The following GHR variants were observed in gnomAD, a reference collection of about 807,000 sequenced individuals.
GHR encodes the protein growth hormone receptor, also known as GH receptor.
In GHR, 35 loss-of-function variants were observed where a neutral mutation model predicts 67.1. The observed-to-expected ratio is 0.52, with a 90% CI of 0.40 to 0.69. The LOEUF (loss-of-function observed/expected upper bound fraction) is 0.69. Ranked by LOEUF, GHR falls within the 30% of genes least tolerant of loss-of-function variation. GHR has a pLI of 0.00. For synonymous variants in GHR, 272 were observed against 269.1 expected (o/e 1.01, Z -0.10); for missense variants, 792 against 764.6 (o/e 1.04, Z -0.42).
At chr5:42,552,330 G>A (rs760609407) in intron 1 of GHR, among the ~76,000 whole-genome samples, 16 of 152,046 alleles carry the variant, frequency 1.1e-4, no homozygotes, top group East Asian at 1.9e-4. Context: ...CTCCTTTTCC[G>A]TATTTTTCTT....
intron 8 of GHR, among the ~76,000 whole-genome samples, chr5:42,715,457 A>C (rs1280446813): frequency 6.6e-6 from 1 of 152,202 alleles, no homozygotes; most frequent in Non-Finnish European, 1.5e-5. Flanking sequence ...ACCCTGCTTT[A>C]ATCCAGTTAA....
At chr5:42,434,364 G>C (rs192975659) in intron 1 of GHR, among the ~76,000 whole-genome samples, 2 of 152,282 alleles carry the variant, frequency 1.3e-5, no homozygotes, top group Admixed American at 1.3e-4. Context: ...GTAGGCTTTT[G>C]GTGCCTGAAG....
chr5:42,542,176 T>C (rs1356861870), intron 1 of GHR, among the ~76,000 whole-genome samples: 2 of 152,120 alleles, frequency 1.3e-5, no homozygotes, highest in Admixed American at 1.3e-4. Flanking sequence ...CACAGTGAAG[T>C]TGACCAGGAT....
intron 3 of GHR, among the ~76,000 whole-genome samples, chr5:42,674,395 C>G (rs1484903065): frequency 6.6e-6 from 1 of 152,100 alleles, no homozygotes; most frequent in Non-Finnish European, 1.5e-5. Flanking sequence ...TTTTTAATCT[C>G]AAAGTGGTTT....
intron 6 of GHR, 57 bp from the exon 7 acceptor site, chr5:42,711,150 C>A: frequency 8.1e-7 from 1 of 1,233,088 alleles, no homozygotes; most frequent in South Asian, 1.2e-5. Flanking sequence ...CTGTAGTGTT[C>A]ATTGCATTGA....
At chr5:42,706,296 A>C (rs6889182) in intron 6 of GHR, among the ~76,000 whole-genome samples, 6,460 of 151,978 alleles carry the variant, frequency 0.043, 193 homozygotes, top group African/African-American at 0.084. Context: ...GATATTAGAC[A>C]TTTGTCAGAT....
At chr5:42,620,882 T>C (rs1220313362) in intron 2 of GHR, among the ~76,000 whole-genome samples, 1 of 152,142 alleles carries the variant, frequency 6.6e-6, no homozygotes, top group East Asian at 1.9e-4. Context: ...AGGGAAGAGA[T>C]AGTCACTTCT....
chr5:42,621,031 T>C (rs1434228020), intron 2 of GHR, among the ~76,000 whole-genome samples: 3 of 152,140 alleles, frequency 2.0e-5, no homozygotes, highest in Non-Finnish European at 2.9e-5. Flanking sequence ...TTATTCCTTT[T>C]AGCATTGCTG....
At chr5:42,461,043 T>C (rs1744467370) in intron 1 of GHR, among the ~76,000 whole-genome samples, 1 of 152,182 alleles carries the variant, frequency 6.6e-6, no homozygotes, top group Non-Finnish European at 1.5e-5. Context: ...TCTCTGAATA[T>C]CTGGGATATG....
rs79839119 is a variant in GHR at position 42,634,412 on chromosome 5, T to C, written c.136+5309T>C. ...GCTTTTTGCACCCCCCCTTAATAAA[T>C]TGAACTATCTCTAAAGATAGGGACA... On this transcript the variant is annotated intron_variant, in intron 3 of 9. Coordinates refer to ENST00000230882, the MANE Select transcript of GHR (RefSeq NM_000163.5). Among the ~76,000 whole-genome samples, 693 of 152,198 alleles carry C rather than the reference T, an allele frequency of 4.6e-3. 4 individuals are homozygous for C. The highest frequency in any genetic ancestry group is 0.016 in the African/African-American group (655 of 41,498).
intron 1 of GHR, among the ~76,000 whole-genome samples, chr5:42,561,966 A>G (rs1359666145): frequency 1.3e-5 from 2 of 152,210 alleles, no homozygotes; most frequent in Admixed American, 1.3e-4. Context: ...TCTGGGTTAA[A>G]AGGTACATGT....
intron 2 of GHR, among the ~76,000 whole-genome samples, chr5:42,616,461 T>C (rs1415764057): frequency 1.3e-5 from 2 of 151,978 alleles, no homozygotes; most frequent in Non-Finnish European, 1.5e-5. Flanking sequence ...TTTTCAGACA[T>C]AGAGAAGAAT....
chr5:42,701,995 C>T (rs1757954419), intron 6 of GHR, among the ~76,000 whole-genome samples: 1 of 151,876 alleles, frequency 6.6e-6, no homozygotes, highest in African/African-American at 2.4e-5. Context: ...AATATGGATA[C>T]ATTGTAGAAT....
chr5:42,482,159 T>A (rs910081071), intron 1 of GHR, among the ~76,000 whole-genome samples: 3 of 152,230 alleles, frequency 2.0e-5, no homozygotes, highest in African/African-American at 7.2e-5. Context: ...CAGACCCTGT[T>A]TGCCTGGGTA....
intron 8 of GHR, among the ~76,000 whole-genome samples, chr5:42,716,685 A>G (rs753890123): frequency 1.4e-4 from 22 of 152,338 alleles, no homozygotes; most frequent in Non-Finnish European, 2.9e-4. Context: ...ACTTATTTCT[A>G]TATCTGTAAT....
Position 42,523,538 on chromosome 5 carries a change from T to C in GHR, c.-11-42326T>C, listed in dbSNP as rs117800920. 1.7e-4 allele frequency among the ~76,000 whole-genome samples: 26 copies of C among 152,312 alleles called. No homozygotes were observed. The East Asian group carries it at 5.0e-3, about 29-fold the overall frequency. ...ATTATTATGTTGTTTTGGCACACCA[T>C]GAATTGCACCCATATAAGGTGGGGA... is the stretch of plus-strand genomic sequence containing the variant. On this transcript the variant is annotated intron_variant, in intron 1 of 9. Transcript: ENST00000230882.
At chr5:42,681,726 G>A (rs1422378622) in intron 3 of GHR, among the ~76,000 whole-genome samples, 4 of 152,164 alleles carry the variant, frequency 2.6e-5, no homozygotes, top group African/African-American at 9.6e-5. Context: ...CACAAGTTCA[G>A]GAGATCGAGA....
intron 1 of GHR, among the ~76,000 whole-genome samples, chr5:42,516,275 C>A (rs551470548): frequency 2.0e-5 from 3 of 152,252 alleles, no homozygotes; most frequent in African/African-American, 7.2e-5. Context: ...TCAAGCATAG[C>A]AGAAATTAAG....
intron 1 of GHR, among the ~76,000 whole-genome samples, chr5:42,501,481 G>T (rs1185848436): frequency 1.3e-5 from 2 of 151,990 alleles, no homozygotes; most frequent in Non-Finnish European, 2.9e-5. Flanking sequence ...ACATGGACTT[G>T]GCCCAGCTAC....
Sources: gnomAD v4.1 joint callset for allele counts (sites outside exome capture counted in the v4.1 genomes callset) on GRCh38, gnomAD v4.1.1 for gene constraint, MANE v1.5 for transcripts, NCBI Gene and HGNC (gene_info 2026-07-23, HGNC 2026-07-21) for gene names.